Variants in RASSF8 observed in about 807,000 individuals in gnomAD.
RASSF8 encodes the protein ras association domain-containing protein 8.
RASSF8 carries 22 observed loss-of-function variants against 48.5 expected under a neutral mutation model. The observed-to-expected ratio is 0.45, with a 90% CI of 0.32 to 0.65. The LOEUF (loss-of-function observed/expected upper bound fraction) is 0.65, where lower values mean the gene tolerates loss of function less well. Among genes scored for constraint, RASSF8 ranks in the 30% least tolerant of loss-of-function variants. RASSF8 has a pLI of 0.03. For missense variants in RASSF8, 418 were observed against 489.2 expected, an observed-to-expected ratio of 0.85 and a Z score of 1.37; for synonymous variants, 127 against 171.5, an observed-to-expected ratio of 0.74 and a Z score of 2.03.
rs749450984 is a variant in RASSF8, at chr12:26,065,377, A to T, written c.983A>T (p.Lys328Ile). 4 of 1,611,022 alleles carry T rather than the reference A, an allele frequency of 2.5e-6. No individual in the cohort carries two copies. The highest frequency in any genetic ancestry group is 3.4e-6 in the Non-Finnish European group (4 of 1,178,420). ...AVERSLGQAT[K>I]RLQDKEQELE... ...GAAAGATCTCTTGGACAAGCCACCA[A>T]ACGCTTACAGGTAGGGACACTTTGA... The change falls in exon 4 of 6, where the codon AAA becomes ATA. Residue 328 changes from lysine to isoleucine, a missense_variant. Transcript: ENST00000689635.
Position 26,070,763 on chromosome 12 carries a change from T to C in RASSF8, c.*1945T>C, listed in dbSNP as rs920035281. The C allele has an allele frequency of 8.2e-6, 8 of 978,422 alleles. No homozygotes were observed. Among genetic ancestry groups the C allele is most frequent in the Non-Finnish European group, 9.7e-6 (8 of 823,688 alleles). The allele number at this position is 978,422 out of a possible 1,614,324, so 60.6% of individuals were successfully genotyped here. A position where few individuals can be genotyped will look rare whatever the true frequency, so the allele number is the denominator to read the frequency against. On this transcript the variant is annotated 3_prime_UTR_variant, in exon 6 of 6. Transcript: ENST00000689635. ...AGATCTTATTCACAAAGAAAAACAT[T>C]TTATAAATTGATCGCATTTTCTTTA...
chr12:26,041,033 G>A (rs959012169), intron 2 of RASSF8, among the ~76,000 whole-genome samples: 3 of 145,454 alleles, frequency 2.1e-5, no homozygotes, highest in Non-Finnish European at 4.5e-5. Flanking sequence ...GACTACGGGT[G>A]CCCGCCACCG....
rs2669570 is a variant in RASSF8, at chr12:26,009,842, T to G, written c.-109+14712T>G. ...TGGCAGGAATGAGCTTGATAGAGAA[T>G]GGAAAGTGAGAAAATGAAAGCAAGT... On this transcript the variant is annotated intron_variant, in intron 2 of 5. Transcript: ENST00000689635. 8.8e-3 allele frequency among the ~76,000 whole-genome samples: 1,341 copies of G among 152,178 alleles called. 17 individuals carry two copies. The highest frequency in any genetic ancestry group is 0.031 in the African/African-American group (1,274 of 41,510).
At chr12:26,066,949 T>G (rs1480028327) in intron 4 of RASSF8, among the ~76,000 whole-genome samples, 1 of 152,262 alleles carries the variant, frequency 6.6e-6, no homozygotes, top group Non-Finnish European at 1.5e-5. Context: ...TCTCAGATCT[T>G]TGTCAAGGAT....
At chr12:25,993,157 C>G (rs1326535891) in intron 1 of RASSF8, among the ~76,000 whole-genome samples, 2 of 152,138 alleles carry the variant, frequency 1.3e-5, no homozygotes, top group Non-Finnish European at 2.9e-5. Flanking sequence ...TGCCCCCGCT[C>G]CCTGCACCGC....
intron 1 of RASSF8, 50 bp downstream of exon 1, chr12:25,959,198 C>G (rs985142819): frequency 6.6e-6 from 1 of 152,246 alleles, no homozygotes; most frequent in African/African-American, 2.4e-5. Context: ...CGCCGGGGAC[C>G]CCGCCCGTCC....
chr12:26,002,673 G>C (rs1184453035), intron 2 of RASSF8, among the ~76,000 whole-genome samples: 2 of 152,148 alleles, frequency 1.3e-5, no homozygotes, highest in Non-Finnish European at 2.9e-5. Context: ...TACTCAGGAG[G>C]CTGACACAGG....
intron 1 of RASSF8, among the ~76,000 whole-genome samples, chr12:25,965,239 C>G (rs853656): frequency 6.6e-6 from 1 of 152,058 alleles, no homozygotes; most frequent in East Asian, 1.9e-4. Flanking sequence ...CCGTGCCCAG[C>G]CTTAAACAGC....
At position 26,067,462 on chromosome 12, in the gene RASSF8, G is replaced by C. The variant is rs563011229; in HGVS notation, c.994-107G>C. The C allele has an allele frequency of 3.2e-4, 373 of 1,167,822 alleles. 1 individual carries two copies. In the African/African-American group the frequency reaches 5.3e-3, roughly 17 times the overall value. 72.3% of individuals were successfully genotyped at this position (1,167,822 alleles called of 1,614,324 possible). A position where few individuals can be genotyped will look rare whatever the true frequency, so the allele number is the denominator to read the frequency against. ...ATTTGTTAAATGTGCTTTTATGAAA[G>C]CAGATGTTGCACATTTAACCCCTGT... On this transcript the variant is annotated intron_variant, in intron 4 of 5. Transcript: ENST00000689635.
At chr12:26,023,377 A>G (rs1942831428) in intron 2 of RASSF8, among the ~76,000 whole-genome samples, 2 of 152,236 alleles carry the variant, frequency 1.3e-5, no homozygotes, top group African/African-American at 4.8e-5. Flanking sequence ...AGAAAATCTT[A>G]AAAAGCAGCA....
chr12:25,980,053 G>A (rs1262704900), intron 1 of RASSF8, among the ~76,000 whole-genome samples: 1 of 152,218 alleles, frequency 6.6e-6, no homozygotes, highest in Non-Finnish European at 1.5e-5. Flanking sequence ...TTAGGCATGA[G>A]AAACTAGCTC....
chr12:26,053,154 A>G (rs570696481), intron 2 of RASSF8, among the ~76,000 whole-genome samples: 39 of 150,694 alleles, frequency 2.6e-4, no homozygotes, highest in South Asian at 4.2e-4. Flanking sequence ...AAAATGTGTT[A>G]AATGGATAGA....
intron 2 of RASSF8, among the ~76,000 whole-genome samples, chr12:26,017,737 C>G (rs1359533820): frequency 6.6e-6 from 1 of 152,246 alleles, no homozygotes; most frequent in Non-Finnish European, 1.5e-5. Flanking sequence ...GGGGAAGCCC[C>G]CATGCCACAG....
chr12:26,064,969 G>T lies in RASSF8; in HGVS notation c.575G>T (p.Arg192Ile). Residue 192 changes from arginine to isoleucine, a missense_variant, in exon 4 of 6, where the codon AGA (arginine) becomes ATA (isoleucine). Coordinates refer to ENST00000689635, the MANE Select transcript of RASSF8 (RefSeq NM_001394098.1). ...KQLESNEIEIRFWEQKYNSNL... is the reference protein window; with the variant it reads ...KQLESNEIEIIFWEQKYNSNL... Reference sequence around the variant, plus strand: ...CTGGAATCTAATGAAATAGAAATAAGATTTTGGGAGCAAAAGTATAATTCC... The same window carrying T: ...CTGGAATCTAATGAAATAGAAATAATATTTTGGGAGCAAAAGTATAATTCC... 1 of 1,613,668 alleles carries T rather than the reference G, an allele frequency of 6.2e-7. No homozygotes were observed. The highest frequency in any genetic ancestry group is 1.3e-5 in the African/African-American group (1 of 74,966).
At chr12:26,054,723 A>C (rs1337804018) in intron 2 of RASSF8, among the ~76,000 whole-genome samples, 1 of 151,306 alleles carries the variant, frequency 6.6e-6, no homozygotes, top group Non-Finnish European at 1.5e-5. Context: ...GAAGGCAGAC[A>C]GGTAGCAGTT....
At chr12:26,066,111 A>G (rs1480470349) in intron 4 of RASSF8, among the ~76,000 whole-genome samples, 1 of 152,216 alleles carries the variant, frequency 6.6e-6, no homozygotes, top group African/African-American at 2.4e-5. Context: ...AGGCAGTTAA[A>G]TTATTAAATA....
intron 2 of RASSF8, among the ~76,000 whole-genome samples, chr12:26,040,989 G>A (rs1281289952): frequency 6.6e-6 from 1 of 151,428 alleles, no homozygotes; most frequent in Admixed American, 6.6e-5. Context: ...CCAGGTTCAC[G>A]CCATTCTCCT....
chr12:26,073,825 C>CATTATATATATGTAT, downstream of RASSF8, among the ~76,000 whole-genome samples: 1 of 106,360 alleles, frequency 9.4e-6, no homozygotes, highest in South Asian at 4.0e-4. Flanking sequence ...TACACATACA[C>CATTATATATATGTAT]ACACACACAC....
At chr12:25,995,343 C>T (rs1032272997) in intron 2 of RASSF8, among the ~76,000 whole-genome samples, 2 of 152,126 alleles carry the variant, frequency 1.3e-5, no homozygotes, top group African/African-American at 2.4e-5. Context: ...AGTATAATTC[C>T]TAGGTCCAAA....
Sources: gnomAD v4.1 joint callset for allele counts (sites outside exome capture counted in the v4.1 genomes callset) on GRCh38, gnomAD v4.1.1 for gene constraint, MANE v1.5 for transcripts, NCBI Gene and HGNC (gene_info 2026-07-23, HGNC 2026-07-21) for gene names.